Variants in CPLANE1 observed in about 807,000 individuals in gnomAD.
The protein encoded by CPLANE1 is ciliogenesis and planar polarity effector complex subunit 1.
In CPLANE1, 263 loss-of-function variants were observed where a neutral mutation model predicts 362.5. That is an observed-to-expected ratio of 0.73 (90% CI 0.66 to 0.80). The LOEUF (loss-of-function observed/expected upper bound fraction) is 0.80, where lower values mean the gene tolerates loss of function less well. CPLANE1 is among the 30% of genes least tolerant of loss of function. The pLI is 0.00. For synonymous variants in CPLANE1, 1,212 were observed against 1,302.6 expected, an observed-to-expected ratio of 0.93 and a Z score of 1.50; for missense variants, 3,461 against 3,793.4, an observed-to-expected ratio of 0.91 and a Z score of 2.30.
At chr5:37,126,786 A>T (rs1764245235) in intron 46 of CPLANE1, among the ~76,000 whole-genome samples, 1 of 152,200 alleles carries the variant, frequency 6.6e-6, no homozygotes, top group South Asian at 2.1e-4. Flanking sequence ...CGTGAATTCA[A>T]GCCCAGCTTG....
In CPLANE1 at chr5:37,180,961, A is replaced by G; in HGVS notation, c.5466T>C (p.Ile1822=). ...CAGCATCTGATTTGCTCTCCCTCTC[A>G]ATATTGGGTCCAATCTGACACCCAG... ...RDTGCQIGPN[I]ERESKSDAGG... Residue 1822 remains isoleucine (I), a synonymous_variant, in exon 27 of 53, where the codon ATT becomes ATC. Coordinates refer to ENST00000651892, the MANE Select transcript of CPLANE1 (RefSeq NM_001384732.1). 1 of 1,614,078 alleles carries G rather than the reference A, an allele frequency of 6.2e-7. No individual in the cohort carries two copies. The highest frequency in any genetic ancestry group is 8.5e-7 in the Non-Finnish European group (1 of 1,179,988).
chr5:37,154,507 A>G (rs1010919530), intron 41 of CPLANE1, among the ~76,000 whole-genome samples: 1 of 122,824 alleles, frequency 8.1e-6, no homozygotes, highest in African/African-American at 3.5e-5. Flanking sequence ...TTGCTTTGTC[A>G]CCCAGGCTGG....
rs1254965608 is a variant in CPLANE1 at position 37,157,220 on chromosome 5, T to A, written c.8119+93A>T. 14 of 579,954 alleles carry A rather than the reference T, an allele frequency of 2.4e-5. No individual in the cohort carries two copies. The East Asian group carries it at 3.8e-4, about 16-fold the overall frequency. 35.9% of individuals were successfully genotyped at this position (579,954 alleles called of 1,614,324 possible). A position where few individuals can be genotyped will look rare whatever the true frequency, so the allele number is the denominator to read the frequency against. Reference sequence around the variant, plus strand: ...CTCCTTAGCAAGGGACAACCCTTTTTCTGGTTTCTTTTGCAATTACCAAAT... The same window carrying A: ...CTCCTTAGCAAGGGACAACCCTTTTACTGGTTTCTTTTGCAATTACCAAAT... On this transcript the variant is annotated intron_variant, in intron 41 of 52. Coordinates refer to ENST00000651892, the MANE Select transcript of CPLANE1 (RefSeq NM_001384732.1).
intron 50 of CPLANE1, among the ~76,000 whole-genome samples, chr5:37,119,374 A>T (rs561786442): frequency 8.5e-5 from 13 of 152,094 alleles, no homozygotes; most frequent in Admixed American, 2.0e-4. Context: ...CAATGTTATT[A>T]AAAAAAAGCC....
chr5:37,171,452 C>A (rs529332629), intron 32 of CPLANE1, among the ~76,000 whole-genome samples: 257 of 152,196 alleles, frequency 1.7e-3, no homozygotes, highest in African/African-American at 5.7e-3. Context: ...TGATACTACT[C>A]GTCCAGGCAT....
chr5:37,159,539 C>T (rs558821558), intron 38 of CPLANE1, among the ~76,000 whole-genome samples: 41 of 152,288 alleles, frequency 2.7e-4, no homozygotes, highest in African/African-American at 8.7e-4. Context: ...TCTTATTTAA[C>T]AGTAAAATAA....
At chr5:37,148,332 G>A in intron 42 of CPLANE1, 64 bp from the exon 43 acceptor site, 1 of 1,218,472 alleles carries the variant, frequency 8.2e-7, no homozygotes. Context: ...ATAACAAACA[G>A]TTTTATGTAA....
intron 8 of CPLANE1, among the ~76,000 whole-genome samples, chr5:37,238,074 C>T (rs1799409332): frequency 6.6e-6 from 1 of 152,092 alleles, no homozygotes. Flanking sequence ...CCCAGCTACT[C>T]AGAAGGATGA....
the CPLANE1 span, among the ~76,000 whole-genome samples, chr5:37,097,345 A>G: frequency 6.6e-6 from 1 of 152,216 alleles, no homozygotes; most frequent in African/African-American, 2.4e-5. Flanking sequence ...AAAACCATGA[A>G]AAAGAACGCA....
rs771457677 is a variant in CPLANE1 at position 37,170,201 on chromosome 5, C to A, written c.6302G>T (p.Arg2101Ile). 24 of 1,614,166 alleles carry A rather than the reference C, an allele frequency of 1.5e-5. No individual in the cohort carries two copies. In the Admixed American group the frequency reaches 4.0e-4, roughly 27 times the overall value. Residue 2101 changes from arginine to isoleucine, a missense_variant, in exon 33 of 53, where the codon AGA (arginine) becomes ATA (isoleucine). Around this residue, in one of 2 missense-constraint regions of CPLANE1, gnomAD observed 3,380 missense variants for 3,666.1 expected, o/e 0.92. Coordinates refer to ENST00000651892, the MANE Select transcript of CPLANE1 (RefSeq NM_001384732.1). ...GCTGTCTTCAACATCACCACATCCT[C>A]TTAGGTTTGATTCTTGGCTTTCCCC... The part of the protein sequence containing the change: ...HLGESQESNL[R>I]GCGDVEDSNK...
Position 37,164,268 on chromosome 5 carries a change from C to T in CPLANE1, c.7588+5G>A, listed in dbSNP as rs1416608725. 7 of 1,606,692 alleles carry T rather than the reference C, an allele frequency of 4.4e-6. No individual in the cohort carries two copies. Among genetic ancestry groups the T allele is most frequent in the African/African-American group, 4.0e-5 (3 of 74,714 alleles). On this transcript the variant is annotated splice_donor_5th_base_variant and intron_variant, in intron 37 of 52. Coordinates refer to ENST00000651892, the MANE Select transcript of CPLANE1 (RefSeq NM_001384732.1). ...AGACATTACATTAATCATACACATA[C>T]ATACCAAAAGGAACGTCGAAGTCAT...
rs1444762410 is a variant in CPLANE1 at position 37,209,046 on chromosome 5, C to A, written c.2921-2621G>T. Among the ~76,000 whole-genome samples, 1 of 152,196 alleles carries A rather than the reference C, an allele frequency of 6.6e-6. No homozygotes were observed. The highest frequency in any genetic ancestry group is 1.5e-5 in the Non-Finnish European group (1 of 68,034). On this transcript the variant is annotated intron_variant, in intron 16 of 52. Transcript: ENST00000651892. The surrounding 1 kb of genome is among the most constrained non-coding windows in gnomAD (Gnocchi z 4.6). ...GGGAGACGAAGGATGGGATGTGAGG[C>A]GGTCCTGCCTTGCCGCCTTCTGTCC...
chr5:37,199,751 G>T (rs1788616754), intron 19 of CPLANE1, among the ~76,000 whole-genome samples: 1 of 152,120 alleles, frequency 6.6e-6, no homozygotes, highest in Non-Finnish European at 1.5e-5. Flanking sequence ...CTCAGTTTTT[G>T]AGTATCTGCC....
Position 37,168,775 on chromosome 5 carries a change from T to C in CPLANE1, c.7233+16A>G. 3.8e-6 allele frequency: 6 copies of C among 1,599,996 alleles called. No homozygotes were observed. The highest frequency in any genetic ancestry group is 5.1e-6 in the Non-Finnish European group (6 of 1,171,276). ...GCAGGACACTGCTTTTGCATTACCA[T>C]ACAAAAATTCATTACCCTATTTTCT... On this transcript the variant is annotated intron_variant, in intron 34 of 52. Coordinates refer to ENST00000651892, the MANE Select transcript of CPLANE1 (RefSeq NM_001384732.1).
chr5:37,089,834 T>G, the CPLANE1 span, among the ~76,000 whole-genome samples: 1 of 152,306 alleles, frequency 6.6e-6, no homozygotes, highest in East Asian at 1.9e-4. Flanking sequence ...CCTCAAGGAA[T>G]GCTAAATAGT....
At chr5:37,084,535 T>A in the CPLANE1 span, among the ~76,000 whole-genome samples, 1 of 151,956 alleles carries the variant, frequency 6.6e-6, no homozygotes, top group Non-Finnish European at 1.5e-5. Context: ...ATCCCAGCAC[T>A]TTGGGAGGCC....
At position 37,201,701 on chromosome 5, in the gene CPLANE1, G is replaced by A; in HGVS notation, c.3397C>T (p.Leu1133=). Residue 1133 remains leucine, a synonymous_variant, in exon 19 of 53, where the codon CTG becomes TTG. Coordinates refer to ENST00000651892, the MANE Select transcript of CPLANE1 (RefSeq NM_001384732.1). The stretch of plus-strand genomic sequence containing the variant: ...CTGAAGTCCTTGGCAGAGTCTATCA[G>A]AAGTTGAAATGTCTCCGAAAGAATA... ...ADILSETFQL[L]IDSAKDFSKR... is the part of the protein sequence containing the mutation. The A allele has an allele frequency of 6.2e-7, 1 of 1,614,106 alleles. No homozygotes were observed. The highest frequency in any genetic ancestry group is 8.5e-7 in the Non-Finnish European group (1 of 1,179,964).
downstream of CPLANE1, among the ~76,000 whole-genome samples, chr5:37,102,348 C>T (rs1045352513): frequency 2.6e-5 from 4 of 151,920 alleles, no homozygotes; most frequent in Admixed American, 6.6e-5. Flanking sequence ...CCATCATGAC[C>T]GGCTAATTTT....
At chr5:37,194,447 T>G (rs1786610160) in intron 21 of CPLANE1, among the ~76,000 whole-genome samples, 1 of 152,162 alleles carries the variant, frequency 6.6e-6, no homozygotes, top group Non-Finnish European at 1.5e-5. Flanking sequence ...AGACCTAGAT[T>G]TTTAAGAAAT....
Sources: gnomAD v4.1 joint callset for allele counts (sites outside exome capture counted in the v4.1 genomes callset) on GRCh38, gnomAD v4.1.1 for gene constraint, gnomAD v4.1.1 regional missense constraint, Gnocchi (gnomAD v3.1) non-coding constraint, MANE v1.5 for transcripts, NCBI Gene and HGNC (gene_info 2026-07-23, HGNC 2026-07-21) for gene names.